CDH7: variants seen among roughly 807,000 people sequenced by gnomAD.
CDH7 encodes the protein cadherin 7.
In CDH7, 25 loss-of-function variants were observed where a neutral mutation model predicts 71.8. That is an observed-to-expected ratio of 0.35 (90% confidence interval 0.25 to 0.49). The LOEUF is 0.49. Among genes scored for constraint, CDH7 ranks in the 20% least tolerant of loss-of-function variants. The pLI is 0.99. For missense variants in CDH7, 862 were observed against 974.6 expected, an observed-to-expected ratio of 0.88 and a Z score of 1.54; for synonymous variants, 381 against 363.8, an observed-to-expected ratio of 1.05 and a Z score of -0.54.
At chr18:65,819,331 C>T (rs1261545975) in intron 4 of CDH7, among the ~76,000 whole-genome samples, 2 of 152,100 alleles carry the variant, frequency 1.3e-5, no homozygotes, top group African/African-American at 2.4e-5. Flanking sequence ...TTGCAGAGTT[C>T]GGGCACGCTG....
At chr18:65,766,986 T>C (rs932162091) in intron 2 of CDH7, among the ~76,000 whole-genome samples, 5 of 148,662 alleles carry the variant, frequency 3.4e-5, no homozygotes, top group African/African-American at 4.9e-5. Context: ...CTAACCGTAA[T>C]GGGATGCCAG....
intron 2 of CDH7, among the ~76,000 whole-genome samples, chr18:65,804,632 T>G (rs2143892543): frequency 6.6e-6 from 1 of 152,030 alleles, no homozygotes; most frequent in African/African-American, 2.4e-5. Context: ...GGTAAAAATT[T>G]AATGAAGGTA....
At chr18:65,772,513 C>A (rs183227605) in intron 2 of CDH7, among the ~76,000 whole-genome samples, 6 of 152,098 alleles carry the variant, frequency 3.9e-5, no homozygotes, top group African/African-American at 1.4e-4. Flanking sequence ...CTAGTCATTG[C>A]GATTTGATTT....
chr18:65,752,004 A>T (rs1039462247), intron 1 of CDH7, among the ~76,000 whole-genome samples: 1 of 152,254 alleles, frequency 6.6e-6, no homozygotes, highest in Non-Finnish European at 1.5e-5. Flanking sequence ...ATGGCAAACT[A>T]TTGAGAAACC....
rs150500331 is a variant in CDH7 at position 65,808,840 on chromosome 18, G to GTTT, written c.211-862_211-861insTTT. ...TGGCAGTTATAGGGGGTGAAAGATT[G>GTTT]TTGAAATGACGGATTGAGTAGCGCG... On this transcript the variant is annotated intron_variant, in intron 2 of 11. Coordinates refer to ENST00000397968, the MANE Select transcript of CDH7 (RefSeq NM_004361.5). Among the ~76,000 whole-genome samples the GTTT allele has an allele frequency of 9.2e-5, 14 of 152,328 alleles. No individual in the cohort carries two copies. In the East Asian group the frequency reaches 2.7e-3, roughly 29 times the overall value.
intron 6 of CDH7, among the ~76,000 whole-genome samples, chr18:65,837,010 C>G (rs534572047): frequency 1.3e-5 from 2 of 152,136 alleles, no homozygotes; most frequent in Admixed American, 1.3e-4. Context: ...TCTTCTCCCC[C>G]CATAACCCAT....
At position 65,888,371 on chromosome 18, in the gene CDH7, A is replaced by G. The variant is rs1278386764; in HGVS notation, c.*7477A>G. 1 of 152,158 alleles carries G rather than the reference A, an allele frequency of 6.6e-6. No homozygotes were observed. Among genetic ancestry groups the G allele is most frequent in the Non-Finnish European group, 1.5e-5 (1 of 68,034 alleles). The allele number at this position is 152,158 out of a possible 1,614,324, so 9.4% of individuals were successfully genotyped here. On this transcript the variant is annotated 3_prime_UTR_variant, in exon 12 of 12. Coordinates refer to ENST00000397968, the MANE Select transcript of CDH7 (RefSeq NM_004361.5). ...AAAAAATTATCACAGAGTAAGATAC[A>G]TAGAAGAAAATAATTTCCGCAATTC...
intron 6 of CDH7, among the ~76,000 whole-genome samples, chr18:65,827,402 G>T (rs1335813724): frequency 4.0e-5 from 6 of 151,720 alleles, no homozygotes; most frequent in Non-Finnish European, 5.9e-5. Context: ...TGTAACGAAA[G>T]AATTCTTGTT....
At chr18:65,813,164 C>T in intron 3 of CDH7, among the ~76,000 whole-genome samples, 1 of 152,080 alleles carries the variant, frequency 6.6e-6, no homozygotes. Context: ...GAAACCCTGT[C>T]TCTATTAAAA....
intron 2 of CDH7, among the ~76,000 whole-genome samples, chr18:65,796,106 T>C (rs1910903358): frequency 6.6e-6 from 1 of 152,182 alleles, no homozygotes; most frequent in Non-Finnish European, 1.5e-5. Flanking sequence ...TGGACTAATA[T>C]AATATCCTTT....
At chr18:65,871,179 G>A (rs1913915373) in intron 11 of CDH7, among the ~76,000 whole-genome samples, 1 of 152,100 alleles carries the variant, frequency 6.6e-6, no homozygotes, top group Non-Finnish European at 1.5e-5. Flanking sequence ...CACCCAAAAA[G>A]TTCGGAACTG....
intron 7 of CDH7, 42 bp from the exon 8 acceptor site, chr18:65,857,774 C>A (rs201219188): frequency 1.3e-6 from 2 of 1,588,160 alleles, no homozygotes; most frequent in Non-Finnish European, 1.7e-6. Flanking sequence ...TATAATCAAA[C>A]GTACATGTTG....
In CDH7 at chr18:65,857,833, A is replaced by G; in HGVS notation, c.1253A>G (p.Asn418Ser). 6.2e-7 allele frequency: 1 copy of G among 1,613,154 alleles called. No homozygotes were observed. The highest frequency in any genetic ancestry group is 2.2e-5 in the East Asian group (1 of 44,822). The change falls in exon 8 of 12, where the codon AAC becomes AGC. Residue 418 changes from asparagine (N) to serine (S), a missense_variant. By Grantham distance (46) the Asn-to-Ser change is conservative. Coordinates refer to ENST00000397968, the MANE Select transcript of CDH7 (RefSeq NM_004361.5). The part of the protein sequence containing the change: ...NSPVRYSIDR[N>S]TDLERYFNID... ...TCAATTAGGTACTCAATTGACAGAA[A>G]CACAGACTTGGAGAGATACTTCAAT...
chr18:65,837,494 A>G (rs144669748), intron 6 of CDH7, among the ~76,000 whole-genome samples: 85 of 152,292 alleles, frequency 5.6e-4, no homozygotes, highest in African/African-American at 2.0e-3. Flanking sequence ...ACTGGGAGGT[A>G]TTGGTTCTGT....
chr18:65,843,091 A>C (rs955005736), intron 6 of CDH7, among the ~76,000 whole-genome samples: 2 of 152,188 alleles, frequency 1.3e-5, no homozygotes, highest in Non-Finnish European at 2.9e-5. Context: ...TTGTCCTTAC[A>C]ACCTTTTTCA....
At chr18:65,791,872 C>T (rs772295241) in intron 2 of CDH7, among the ~76,000 whole-genome samples, 15 of 152,088 alleles carry the variant, frequency 9.9e-5, no homozygotes, top group Admixed American at 4.6e-4. Flanking sequence ...TCCTTCTGCT[C>T]TAATGGTTGT....
Position 65,887,517 on chromosome 18 carries a change from T to C in CDH7, c.*6623T>C, listed in dbSNP as rs1914402496. ...TGCAGTAATTTTAAATGCCCAAAAA[T>C]AAAAGGAAAAGGAAAAATAAGTCAC... is the stretch of plus-strand genomic sequence containing the variant. On this transcript the variant is annotated 3_prime_UTR_variant, in exon 12 of 12. Coordinates refer to ENST00000397968, the MANE Select transcript of CDH7 (RefSeq NM_004361.5). 1 of 148,230 alleles carries C rather than the reference T, an allele frequency of 6.7e-6. No homozygotes were observed. Among genetic ancestry groups the C allele is most frequent in the Admixed American group, 6.9e-5 (1 of 14,488 alleles). 9.2% of individuals were successfully genotyped at this position (148,230 alleles called of 1,614,324 possible).
chr18:65,854,028 T>G (rs1913258041), intron 7 of CDH7, among the ~76,000 whole-genome samples: 1 of 145,000 alleles, frequency 6.9e-6, no homozygotes, highest in Non-Finnish European at 1.5e-5. Flanking sequence ...GGTCTGGGCG[T>G]GGTGTGTGGT....
rs548224311 is a variant in CDH7, at chr18:65,842,641, T to C, written c.982-1171T>C. On this transcript the variant is annotated intron_variant, in intron 6 of 11. Coordinates refer to ENST00000397968, the MANE Select transcript of CDH7 (RefSeq NM_004361.5). ...TATTGTATACTTATATAACTATTGT[T>C]TTATTTATTTTGGTTATTACCTCCT... Among the ~76,000 whole-genome samples the C allele has an allele frequency of 7.2e-5, 11 of 152,050 alleles. No homozygotes were observed. In the East Asian group the frequency reaches 1.7e-3, roughly 24 times the overall value.
Sources: gnomAD v4.1 joint callset for allele counts (sites outside exome capture counted in the v4.1 genomes callset) on GRCh38, gnomAD v4.1.1 for gene constraint, MANE v1.5 for transcripts, NCBI Gene and HGNC (gene_info 2026-07-23, HGNC 2026-07-21) for gene names.